The following PNPLA3 variants were observed in gnomAD, a reference collection of about 807,000 sequenced individuals.
PNPLA3 encodes 1-acylglycerol-3-phosphate O-acyltransferase PNPLA3.
A neutral mutation model predicts 43.1 loss-of-function variants in PNPLA3; 42 were observed. The observed-to-expected ratio is 0.97, with a 90% CI of 0.76 to 1.26. The LOEUF (loss-of-function observed/expected upper bound fraction) is 1.26, where lower values mean the gene tolerates loss of function less well. PNPLA3 is among the 50% of genes most tolerant of loss of function. PNPLA3 has a pLI of 0.00. For synonymous variants in PNPLA3, 272 were observed against 253.6 expected, an observed-to-expected ratio of 1.07 and a Z score of -0.69; for missense variants, 647 against 621.4, an observed-to-expected ratio of 1.04 and a Z score of -0.44.
chr22:43,924,825 T>C (rs1213616119), intron 1 of PNPLA3, among the ~76,000 whole-genome samples: 1 of 151,954 alleles, frequency 6.6e-6, no homozygotes, highest in African/African-American at 2.4e-5. Context: ...TTTTTTGTAT[T>C]TTTTAGTAGA....
chr22:43,931,226 C>T (rs765774890), intron 3 of PNPLA3, among the ~76,000 whole-genome samples: 3 of 152,196 alleles, frequency 2.0e-5, no homozygotes, highest in Admixed American at 6.5e-5. Context: ...GTTGAGTGCG[C>T]TCATAGGCAT....
intron 3 of PNPLA3, among the ~76,000 whole-genome samples, chr22:43,931,949 A>G (rs2146780080): frequency 6.6e-6 from 1 of 152,304 alleles, no homozygotes; most frequent in East Asian, 1.9e-4. Flanking sequence ...GGTGTGGCTG[A>G]ACATGTCTGA....
Position 43,946,157 on chromosome 22 carries a change from C to T in PNPLA3, c.1221C>T (p.Ser407=), listed in dbSNP as rs781298809. The change falls in exon 9 of 9, where the codon TCC becomes TCT. Residue 407 remains serine, a synonymous_variant. Coordinates refer to ENST00000216180, the MANE Select transcript of PNPLA3 (RefSeq NM_025225.3). ...CAACTTCCTCCATGTGTTTCAGGTC[C>T]CAAATGCCAGTGAGCAGCCAACAGG... is the stretch of plus-strand genomic sequence containing the variant. The part of the protein sequence containing the change: ...VLMCLLPASR[S]QMPVSSQQAS... The T allele has an allele frequency of 1.7e-5, 27 of 1,612,508 alleles. No homozygotes were observed. Among genetic ancestry groups the T allele is most frequent in the Non-Finnish European group, 2.3e-5 (27 of 1,178,646 alleles).
chr22:43,946,994 A>G lies in PNPLA3; in HGVS notation c.*612A>G, dbSNP rs1342045805. The G allele has an allele frequency of 7.0e-6, 2 of 283,870 alleles. No individual in the cohort carries two copies. Among genetic ancestry groups the G allele is most frequent in the South Asian group, 3.3e-5 (1 of 30,024 alleles). The allele number at this position is 283,870 out of a possible 1,614,324, so 17.6% of individuals were successfully genotyped here. Reference sequence around the variant, plus strand: ...TTTAAAGAGTTTTGTATAAAAATGTAAGGAAGCGTTGTTACCTGTTGAATT... The same window carrying G: ...TTTAAAGAGTTTTGTATAAAAATGTGAGGAAGCGTTGTTACCTGTTGAATT... On this transcript the variant is annotated 3_prime_UTR_variant, in exon 9 of 9. Transcript: ENST00000216180.
chr22:43,926,232 G>T (rs2049921177), intron 1 of PNPLA3, among the ~76,000 whole-genome samples: 1 of 152,192 alleles, frequency 6.6e-6, no homozygotes, highest in Non-Finnish European at 1.5e-5. Flanking sequence ...AGAGCTGTGA[G>T]TCAAGATCAG....
intron 7 of PNPLA3, among the ~76,000 whole-genome samples, chr22:43,940,836 A>T (rs562674646): frequency 3.4e-4 from 52 of 151,504 alleles, no homozygotes; most frequent in African/African-American, 1.2e-3. Flanking sequence ...TAATGAAATG[A>T]ATAAAATAAT....
rs575255100 is a variant in PNPLA3 at position 43,946,120 on chromosome 22, C to A, written c.1218-34C>A. ...AGACTGCACACTGCAGCAGCGGGAA[C>A]GGCCTCTAAGCCAACTTCCTCCATG... On this transcript the variant is annotated intron_variant, in intron 8 of 8. Coordinates refer to ENST00000216180, the MANE Select transcript of PNPLA3 (RefSeq NM_025225.3). 49 of 1,594,484 alleles carry A rather than the reference C, an allele frequency of 3.1e-5. 1 individual carries two copies. The South Asian group carries it at 5.0e-4, about 16-fold the overall frequency.
chr22:43,934,769 A>G, intron 5 of PNPLA3, 103 bp downstream of exon 5: 2 of 1,081,484 alleles, frequency 1.8e-6, no homozygotes, highest in Non-Finnish European at 2.8e-6. Context: ...CTTAGTGCCC[A>G]ACGCCTTCCT....
At chr22:43,928,025 A>G (rs1362471052) in intron 2 of PNPLA3, among the ~76,000 whole-genome samples, 3 of 152,216 alleles carry the variant, frequency 2.0e-5, no homozygotes, top group Non-Finnish European at 4.4e-5. Flanking sequence ...CAAGGGTGGG[A>G]ACGTGCCTTA....
Position 43,937,173 on chromosome 22 carries a change from G to C in PNPLA3, c.880G>C (p.Val294Leu). 1 of 1,614,182 alleles carries C rather than the reference G, an allele frequency of 6.2e-7. No homozygotes were observed. Among genetic ancestry groups the C allele is most frequent in the Non-Finnish European group, 8.5e-7 (1 of 1,180,036 alleles). The change falls in exon 6 of 9, where the codon GTG (valine) becomes CTG (leucine). Residue 294 changes from valine (V) to leucine (L), a missense_variant. Physicochemically the swap from Val to Leu is conservative, Grantham distance 32. Coordinates refer to ENST00000216180, the MANE Select transcript of PNPLA3 (RefSeq NM_025225.3). The part of the protein sequence containing the change: ...DSSPESAALA[V>L]RLEGDELLDH... ...TTCCCCGGAGTCGGCTGCCTTGGCTGTGAGGCTGGAGGGAGATGAGCTGCT... is the reference window on the plus strand; with the variant it reads ...TTCCCCGGAGTCGGCTGCCTTGGCTCTGAGGCTGGAGGGAGATGAGCTGCT...
intron 2 of PNPLA3, among the ~76,000 whole-genome samples, chr22:43,928,179 G>C (rs567072838): frequency 6.6e-6 from 1 of 152,194 alleles, no homozygotes; most frequent in Non-Finnish European, 1.5e-5. Flanking sequence ...GCAGCCTGGC[G>C]CGTCTAACCT....
intron 8 of PNPLA3, 80 bp downstream of exon 8, chr22:43,944,875 C>A: frequency 8.0e-7 from 1 of 1,245,466 alleles, no homozygotes; most frequent in Non-Finnish European, 1.2e-6. Context: ...ATTCTAGAAA[C>A]AGCTGGCTGA....
chr22:43,934,194 G>A (rs575828223), intron 4 of PNPLA3, among the ~76,000 whole-genome samples: 4 of 151,976 alleles, frequency 2.6e-5, no homozygotes, highest in South Asian at 4.2e-4. Flanking sequence ...GCGGGCACCT[G>A]TAATCCCAGC....
At chr22:43,931,724 C>T (rs969128404) in intron 3 of PNPLA3, among the ~76,000 whole-genome samples, 1 of 152,202 alleles carries the variant, frequency 6.6e-6, no homozygotes, top group Non-Finnish European at 1.5e-5. Flanking sequence ...CCATGTTGCC[C>T]AGGCTGGTCT....
At chr22:43,934,728 T>A in intron 5 of PNPLA3, 62 bp downstream of exon 5, 1 of 1,497,826 alleles carries the variant, frequency 6.7e-7, no homozygotes, top group East Asian at 2.3e-5. Flanking sequence ...GCGGTCTTGG[T>A]AAAGACTTGA....
At chr22:43,937,333 G>A in intron 6 of PNPLA3, 61 bp downstream of exon 6, 1 of 1,499,510 alleles carries the variant, frequency 6.7e-7, no homozygotes, top group East Asian at 2.3e-5. Flanking sequence ...GCATTATGGA[G>A]GAAGATGGTA....
At position 43,924,110 on chromosome 22, in the gene PNPLA3, G is replaced by A. The variant is rs116795637; in HGVS notation, c.187+12G>A. The A allele has an allele frequency of 2.1e-3, 3,268 of 1,529,776 alleles. 80 individuals carry two copies. The African/African-American group carries it at 0.04, about 19-fold the overall frequency. 94.8% of individuals were successfully genotyped at this position (1,529,776 alleles called of 1,614,324 possible). On this transcript the variant is annotated intron_variant, in intron 1 of 8. Transcript: ENST00000216180. ...CGGTATCCCGCTGGGTGCGTCTGGG[G>A]ACGCTGCCCGGGCTCCACGTGCGGA...
At chr22:43,927,438 G>T (rs960765536) in intron 2 of PNPLA3, among the ~76,000 whole-genome samples, 2 of 150,894 alleles carry the variant, frequency 1.3e-5, no homozygotes, top group African/African-American at 4.9e-5. Context: ...GTTGCAGTAA[G>T]TCATGATCAT....
intron 3 of PNPLA3, among the ~76,000 whole-genome samples, chr22:43,931,427 TTGAA>T (rs2049961092): frequency 6.6e-6 from 1 of 152,226 alleles, no homozygotes; most frequent in Non-Finnish European, 1.5e-5. Flanking sequence ...TGACTACCCC[TTGAA>T]TGAAGATGAT....
Sources: gnomAD v4.1 joint callset for allele counts (sites outside exome capture counted in the v4.1 genomes callset) on GRCh38, gnomAD v4.1.1 for gene constraint, MANE v1.5 for transcripts, NCBI Gene and HGNC (gene_info 2026-07-23, HGNC 2026-07-21) for gene names.